The following ARHGEF28 variants were observed in gnomAD, a reference collection of about 807,000 sequenced individuals.
ARHGEF28 encodes 190 kDa guanine nucleotide exchange factor.
ARHGEF28 carries 152 observed loss-of-function variants against 206.6 expected under a neutral mutation model. That is an observed-to-expected ratio of 0.74 (90% confidence interval 0.64 to 0.84). The LOEUF (loss-of-function observed/expected upper bound fraction) is 0.84. Ranked by LOEUF, ARHGEF28 falls within the 40% of genes least tolerant of loss-of-function variation. The pLI, the probability that ARHGEF28 is intolerant of heterozygous loss-of-function variation, is 0.00. For missense variants in ARHGEF28, 2,028 were observed against 2,073.2 expected (o/e 0.98, Z 0.42); for synonymous variants, 763 against 776.4 (o/e 0.98, Z 0.29).
At chr5:73,644,041 TC>T (rs1744284911) in intron 1 of ARHGEF28, among the ~76,000 whole-genome samples, 2 of 126,884 alleles carry the variant, frequency 1.6e-5, no homozygotes, top group Admixed American at 8.0e-5. Flanking sequence ...TGAGAGTCTG[TC>T]TTATAGACAG....
Position 73,882,498 on chromosome 5 carries a change from G to T in ARHGEF28, c.2841G>T (p.Met947Ile), listed in dbSNP as rs1011441235. ...QQFSEENASK[M>I]KKIYGEFCCH... is the part of the protein sequence containing the mutation. ...TTTCAGAAGAAAATGCAAGTAAAAT[G>T]AAGAAAATATATGGAGAATTCTGTT... Residue 947 changes from methionine (M) to isoleucine (I), a missense_variant, in exon 23 of 36, where the codon ATG becomes ATT. Around this residue, in one of 3 missense-constraint regions of ARHGEF28, gnomAD observed 223 missense variants for 289.9 expected, o/e 0.77. Coordinates refer to ENST00000513042, the MANE Select transcript of ARHGEF28 (RefSeq NM_001177693.2). 8.9e-6 allele frequency: 13 copies of T among 1,463,724 alleles called. No homozygotes were observed. In the Admixed American group the frequency reaches 2.0e-4, roughly 23 times the overall value. 90.7% of individuals were successfully genotyped at this position (1,463,724 alleles called of 1,614,324 possible). A position where few individuals can be genotyped will look rare whatever the true frequency, so the allele number is the denominator to read the frequency against.
chr5:73,673,994 A>G (rs1746502171), intron 1 of ARHGEF28, among the ~76,000 whole-genome samples: 1 of 146,488 alleles, frequency 6.8e-6, no homozygotes, highest in South Asian at 2.2e-4. Flanking sequence ...CAACAGAGTG[A>G]CACTCCATCT....
chr5:73,769,198 T>G (rs997737609), intron 4 of ARHGEF28, among the ~76,000 whole-genome samples: 19 of 152,120 alleles, frequency 1.2e-4, no homozygotes, highest in African/African-American at 4.6e-4. Flanking sequence ...TGTGTATATA[T>G]ATATGTGTGT....
At chr5:73,656,952 C>G (rs552210672) in intron 1 of ARHGEF28, among the ~76,000 whole-genome samples, 1 of 151,914 alleles carries the variant, frequency 6.6e-6, no homozygotes, top group African/African-American at 2.4e-5. Flanking sequence ...GGGTGGATCA[C>G]GAGGTCAGGA....
At chr5:73,749,659 G>A (rs1259674971) in intron 2 of ARHGEF28, among the ~76,000 whole-genome samples, 178 bp from the exon 3 acceptor site, 1 of 152,208 alleles carries the variant, frequency 6.6e-6, no homozygotes, top group African/African-American at 2.4e-5. Flanking sequence ...ACATCAGGAA[G>A]CATCTTCCCT....
At chr5:73,743,637 A>C (rs1207923366) in intron 2 of ARHGEF28, among the ~76,000 whole-genome samples, 1 of 151,430 alleles carries the variant, frequency 6.6e-6, no homozygotes, top group Non-Finnish European at 1.5e-5. Context: ...TATAAAAGTC[A>C]GACGCTTTTA....
chr5:73,732,678 C>A (rs1750687917), intron 2 of ARHGEF28, among the ~76,000 whole-genome samples: 1 of 152,158 alleles, frequency 6.6e-6, no homozygotes, highest in Admixed American at 6.5e-5. Flanking sequence ...GGCTCTAGAC[C>A]ATGAGAACAG....
intron 26 of ARHGEF28, among the ~76,000 whole-genome samples, chr5:73,888,563 A>G (rs1473305736): frequency 6.6e-6 from 1 of 152,200 alleles, no homozygotes; most frequent in Non-Finnish European, 1.5e-5. Context: ...ATAGAAACCA[A>G]TGCTTCTTTA....
At chr5:73,631,059 T>A (rs1743336592) in intron 1 of ARHGEF28, among the ~76,000 whole-genome samples, 1 of 152,174 alleles carries the variant, frequency 6.6e-6, no homozygotes, top group African/African-American at 2.4e-5. Flanking sequence ...GTGGGCCATA[T>A]GGCTGCCCTA....
intron 35 of ARHGEF28, among the ~76,000 whole-genome samples, chr5:73,915,051 T>C (rs954739791): frequency 6.6e-6 from 1 of 152,240 alleles, no homozygotes; most frequent in African/African-American, 2.4e-5. Context: ...TGAGTTGTAC[T>C]TTTTAAAGAA....
intron 34 of ARHGEF28, 136 bp from the exon 35 acceptor site, chr5:73,911,139 G>A (rs868479576): frequency 1.2e-6 from 1 of 862,030 alleles, no homozygotes; most frequent in South Asian, 1.8e-5. Context: ...GGAGAGGGGA[G>A]GGAGAAAAGA....
intron 1 of ARHGEF28, among the ~76,000 whole-genome samples, chr5:73,633,147 G>A (rs987264224): frequency 1.3e-5 from 2 of 152,084 alleles, no homozygotes; most frequent in African/African-American, 2.4e-5. Flanking sequence ...CTGCTCGGAC[G>A]GGAGGTGGAG....
chr5:73,905,210 C>T (rs1762480739), intron 33 of ARHGEF28: 1 of 151,766 alleles, frequency 6.6e-6, no homozygotes, highest in South Asian at 2.1e-4. Context: ...ATCTAGGGAT[C>T]TAGGTTGCCC....
chr5:73,940,613 A>G (rs2112070625), intron 35 of ARHGEF28, among the ~76,000 whole-genome samples: 1 of 152,368 alleles, frequency 6.6e-6, no homozygotes, highest in Middle Eastern at 3.4e-3. Flanking sequence ...TCCCATGAAC[A>G]GTAACCCATA....
Position 73,909,623 on chromosome 5 carries a change from G to A in ARHGEF28, c.4373G>A (p.Cys1458Tyr), listed in dbSNP as rs1762761513. 1 of 1,551,266 alleles carries A rather than the reference G, an allele frequency of 6.4e-7. No individual in the cohort carries two copies. The highest frequency in any genetic ancestry group is 8.7e-7 in the Non-Finnish European group (1 of 1,147,496). The change falls in exon 34 of 36, where the codon TGT becomes TAT. Residue 1458 changes from cysteine (C) to tyrosine (Y), a missense_variant. Cys to Tyr is a radical substitution (Grantham distance 194). This residue lies in a region of ARHGEF28 where 803 missense variants were observed against 768.0 expected (regional missense o/e 1.05). Transcript: ENST00000513042. ...QQEQRRWLRR[C>Y]EQQQRAQATR... ...GAGCAGCGGCGCTGGCTGCGCAGGT[G>A]TGAGCAGCAGCAGCGGGCGCAGGCG...
chr5:73,842,703 G>C (rs937739887), intron 11 of ARHGEF28, among the ~76,000 whole-genome samples: 6 of 152,150 alleles, frequency 3.9e-5, no homozygotes, highest in Non-Finnish European at 8.8e-5. Context: ...AAGTGGCCAG[G>C]TATGGTGGCT....
chr5:73,858,069 C>T lies in ARHGEF28; in HGVS notation c.1915-18C>T, dbSNP rs1315077439. The T allele has an allele frequency of 2.5e-6, 4 of 1,588,814 alleles. No homozygotes were observed. The highest frequency in any genetic ancestry group is 3.8e-5 in the Admixed American group (2 of 53,252). On this transcript the variant is annotated intron_variant, in intron 15 of 35. Transcript: ENST00000513042. ...CTCATTTTTCCCCACTTTCCTACTG[C>T]TGCTGCTGCATCTGAAGACAAAAAG...
At chr5:73,881,669 G>A (rs902375164) in intron 22 of ARHGEF28, among the ~76,000 whole-genome samples, 6 of 152,244 alleles carry the variant, frequency 3.9e-5, no homozygotes, top group East Asian at 1.9e-4. Flanking sequence ...GGTGTGTTCC[G>A]GTTTCCATTA....
At chr5:73,756,554 T>C (rs1458882304) in intron 4 of ARHGEF28, among the ~76,000 whole-genome samples, 1 of 152,234 alleles carries the variant, frequency 6.6e-6, no homozygotes, top group East Asian at 1.9e-4. Flanking sequence ...TATGACCATC[T>C]TATGAGATTT....
Sources: allele counts gnomAD v4.1 joint callset (sites outside exome capture counted in the v4.1 genomes callset), GRCh38; gene constraint gnomAD v4.1.1; regional missense constraint gnomAD v4.1.1; transcripts MANE v1.5; gene names NCBI Gene and HGNC (gene_info 2026-07-23, HGNC 2026-07-21).